The following CNBD1 variants were observed in gnomAD, a reference collection of about 807,000 sequenced individuals.
The protein encoded by CNBD1 is cyclic nucleotide-binding domain-containing protein 1.
CNBD1 carries 71 observed loss-of-function variants against 54.4 expected under a neutral mutation model. The observed-to-expected ratio is 1.30, with a 90% CI of 1.08 to 1.59. The LOEUF (loss-of-function observed/expected upper bound fraction) is 1.59. Ranked by LOEUF, CNBD1 falls within the 40% of genes most tolerant of loss-of-function variation. The pLI is 0.00. For synonymous variants in CNBD1, 182 were observed against 170.7 expected (o/e 1.07, Z -0.51); for missense variants, 659 against 518.0 (o/e 1.27, Z -2.64).
In CNBD1 at chr8:87,163,221, A is replaced by C. The variant is rs1812893078; in HGVS notation, c.432-42772A>C. Among the ~76,000 whole-genome samples, 1 of 152,084 alleles carries C rather than the reference A, an allele frequency of 6.6e-6. No individual in the cohort carries two copies. Among genetic ancestry groups the C allele is most frequent in the South Asian group, 2.1e-4 (1 of 4,834 alleles). On this transcript the variant is annotated intron_variant, in intron 4 of 10. Transcript: ENST00000518476. This position sits in a 1 kb window ranked among gnomAD's most constrained non-coding sequence, Gnocchi z 4.5. ...ATTAATAACATCTCATTTCTGAGATAAGCTTTGTAACATAATTTGAAATCA... is the reference window on the plus strand; with the variant it reads ...ATTAATAACATCTCATTTCTGAGATCAGCTTTGTAACATAATTTGAAATCA...
At position 87,142,024 on chromosome 8, in the gene CNBD1, A is replaced by T. The variant is rs143837105; in HGVS notation, c.432-63969A>T. ...TTCATTGCATAAAATACATTGGAAC[A>T]TTCACATTCAGTTATTACGACACTA... On this transcript the variant is annotated intron_variant, in intron 4 of 10. Coordinates refer to ENST00000518476, the MANE Select transcript of CNBD1 (RefSeq NM_173538.3). 4.7e-3 allele frequency among the ~76,000 whole-genome samples: 715 copies of T among 152,304 alleles called. 3 individuals are homozygous for T. The highest frequency in any genetic ancestry group is 0.027 in the Middle Eastern group (8 of 294).
At chr8:87,277,569 T>C (rs1430607757) in intron 6 of CNBD1, among the ~76,000 whole-genome samples, 1 of 151,748 alleles carries the variant, frequency 6.6e-6, no homozygotes, top group African/African-American at 2.4e-5. Flanking sequence ...CAGTCTCATG[T>C]ATTTTATAGA....
At chr8:87,034,884 C>T (rs1253586840) in intron 4 of CNBD1, among the ~76,000 whole-genome samples, 3 of 152,028 alleles carry the variant, frequency 2.0e-5, no homozygotes, top group Non-Finnish European at 4.4e-5. Flanking sequence ...TTGGATGCGA[C>T]CTTGTAATTC....
At chr8:87,198,105 A>AT (rs1563504320) in intron 4 of CNBD1, among the ~76,000 whole-genome samples, 1 of 152,252 alleles carries the variant, frequency 6.6e-6, no homozygotes, top group Non-Finnish European at 1.5e-5. Flanking sequence ...AACAATATAC[A>AT]TTTATTCAAC....
chr8:87,129,714 A>C (rs889648524), intron 4 of CNBD1, among the ~76,000 whole-genome samples: 3 of 152,158 alleles, frequency 2.0e-5, no homozygotes, highest in African/African-American at 7.2e-5. Context: ...TTTTAGCTCT[A>C]TCCATAATTT....
chr8:87,112,467 G>A, intron 4 of CNBD1, among the ~76,000 whole-genome samples: 1 of 152,034 alleles, frequency 6.6e-6, no homozygotes, highest in Middle Eastern at 3.2e-3. Flanking sequence ...GTAGATGAGG[G>A]TTTCTCTAAA....
chr8:87,148,671 A>G (rs1409792248), intron 4 of CNBD1, among the ~76,000 whole-genome samples: 1 of 152,162 alleles, frequency 6.6e-6, no homozygotes, highest in African/African-American at 2.4e-5. Flanking sequence ...AAGCTTTTGT[A>G]AGTCATGTGC....
At chr8:87,196,271 A>G (rs1249924963) in intron 4 of CNBD1, among the ~76,000 whole-genome samples, 1 of 152,164 alleles carries the variant, frequency 6.6e-6, no homozygotes, top group East Asian at 1.9e-4. Context: ...GTATCAGAAG[A>G]TATGATATTT....
intron 2 of CNBD1, among the ~76,000 whole-genome samples, chr8:87,426,163 C>T (rs1041340529): frequency 1.3e-5 from 2 of 152,240 alleles, no homozygotes; most frequent in Admixed American, 6.5e-5. Flanking sequence ...GGCAATGCCT[C>T]GCCCTGCTTC....
At chr8:87,308,898 A>G (rs1809210130) in intron 8 of CNBD1, among the ~76,000 whole-genome samples, 1 of 152,106 alleles carries the variant, frequency 6.6e-6, no homozygotes, top group Admixed American at 6.6e-5. Context: ...AATTTTATCC[A>G]TGTTGCTGCA....
intron 2 of CNBD1, among the ~76,000 whole-genome samples, chr8:87,411,658 ATTT>A (rs71277944): frequency 6.9e-6 from 1 of 144,180 alleles, no homozygotes; most frequent in African/African-American, 2.5e-5. Context: ...GCTTTTTTAG[ATTT>A]TTTTTTTTTA....
At chr8:87,033,434 T>A (rs1162529883) in intron 4 of CNBD1, among the ~76,000 whole-genome samples, 1 of 152,172 alleles carries the variant, frequency 6.6e-6, no homozygotes. Flanking sequence ...GGACAAGGTA[T>A]TGATGAAATC....
At chr8:87,376,495 CT>C (rs963023852) in intron 10 of CNBD1, among the ~76,000 whole-genome samples, 5 of 151,876 alleles carry the variant, frequency 3.3e-5, no homozygotes, top group African/African-American at 7.2e-5. Context: ...CACATGCTAA[CT>C]TTTTTAACAG....
At chr8:86,915,738 T>C (rs1308235210) in intron 3 of CNBD1, among the ~76,000 whole-genome samples, 1 of 152,210 alleles carries the variant, frequency 6.6e-6, no homozygotes, top group Admixed American at 6.5e-5. Flanking sequence ...ATCCAGCTAA[T>C]AATTAAGAGT....
At chr8:86,999,542 A>T (rs1808949939) in intron 4 of CNBD1, among the ~76,000 whole-genome samples, 2 of 131,576 alleles carry the variant, frequency 1.5e-5, no homozygotes, top group Admixed American at 7.3e-5. Context: ...GTGGTATTTA[A>T]AAAAAAAAAA....
intron 6 of CNBD1, 125 bp from the exon 7 acceptor site, chr8:87,284,553 T>C (rs1476532509): frequency 1.2e-5 from 9 of 740,502 alleles, no homozygotes; most frequent in Admixed American, 3.2e-5. Context: ...GAGCCATCCA[T>C]GCAGAGACAG....
chr8:87,279,663 T>C (rs1808555941), intron 6 of CNBD1, among the ~76,000 whole-genome samples: 1 of 151,188 alleles, frequency 6.6e-6, no homozygotes, highest in African/African-American at 2.4e-5. Flanking sequence ...GCAGTAAAAA[T>C]TATTACCTCA....
rs1812962434 is a variant in CNBD1, at chr8:87,166,345, G to C, written c.432-39648G>C. Among the ~76,000 whole-genome samples, 1 of 151,746 alleles carries C rather than the reference G, an allele frequency of 6.6e-6. No homozygotes were observed. Among genetic ancestry groups the C allele is most frequent in the African/African-American group, 2.4e-5 (1 of 41,362 alleles). ...TTTTACTGATGTCGCTTGTCTCCAG[G>C]TCACCATAGCTTCTCGCTTTGATAC... On this transcript the variant is annotated intron_variant, in intron 4 of 10. Transcript: ENST00000518476. This position sits in a 1 kb window ranked among gnomAD's most constrained non-coding sequence, Gnocchi z 4.3.
intron 4 of CNBD1, among the ~76,000 whole-genome samples, chr8:87,125,324 A>G (rs1811969726): frequency 6.6e-6 from 1 of 151,766 alleles, no homozygotes. Flanking sequence ...AATACCCAAA[A>G]CAATCTTGAG....
Sources: allele counts gnomAD v4.1 joint callset (sites outside exome capture counted in the v4.1 genomes callset), GRCh38; gene constraint gnomAD v4.1.1; non-coding constraint Gnocchi (gnomAD v3.1); transcripts MANE v1.5; gene names NCBI Gene and HGNC (gene_info 2026-07-23, HGNC 2026-07-21).